The following ATL1 variants were observed in gnomAD, a reference collection of about 807,000 sequenced individuals.
ATL1 encodes atlastin GTPase 1, also known as atlastin-1.
ATL1 carries 31 observed loss-of-function variants against 75.5 expected under a neutral mutation model. That is an observed-to-expected ratio of 0.41 (90% CI 0.31 to 0.55). The LOEUF is 0.55. Ranked by LOEUF, ATL1 falls within the 20% of genes least tolerant of loss-of-function variation. ATL1 has a pLI of 0.27. For synonymous variants in ATL1, 226 were observed against 233.3 expected (o/e 0.97, Z 0.28); for missense variants, 405 against 662.6 (o/e 0.61, Z 4.27).
intron 1 of ATL1, among the ~76,000 whole-genome samples, chr14:50,562,846 T>C (rs2038864405): frequency 6.6e-6 from 1 of 152,246 alleles, no homozygotes; most frequent in African/African-American, 2.4e-5. Context: ...ATAGAGGTTT[T>C]GGCACAGATA....
chr14:50,569,454 A>G (rs562615950), intron 1 of ATL1, among the ~76,000 whole-genome samples: 11 of 152,144 alleles, frequency 7.2e-5, no homozygotes, highest in South Asian at 4.1e-4. Flanking sequence ...CTTAAATTAT[A>G]TAGAAAACAA....
intron 1 of ATL1, among the ~76,000 whole-genome samples, chr14:50,586,552 T>C (rs879736984): frequency 2.0e-4 from 30 of 152,306 alleles, no homozygotes; most frequent in Admixed American, 3.3e-4. Flanking sequence ...GTTTCTACAA[T>C]AGCAATTATT....
intron 11 of ATL1, among the ~76,000 whole-genome samples, chr14:50,627,432 A>G (rs1160586479): frequency 6.6e-6 from 1 of 152,268 alleles, no homozygotes; most frequent in Admixed American, 6.5e-5. Context: ...AGTGAATGGT[A>G]TGGTTAACTG....
At chr14:50,565,379 G>C (rs2038893695) in intron 1 of ATL1, among the ~76,000 whole-genome samples, 1 of 151,796 alleles carries the variant, frequency 6.6e-6, no homozygotes, top group African/African-American at 2.4e-5. Flanking sequence ...CAGCTACTAG[G>C]GAAGCTGAGG....
intron 1 of ATL1, among the ~76,000 whole-genome samples, chr14:50,585,844 C>G (rs1471715897): frequency 6.6e-6 from 1 of 152,166 alleles, no homozygotes; most frequent in Non-Finnish European, 1.5e-5. Flanking sequence ...GATAAAAAGT[C>G]AACTTTTCTT....
chr14:50,626,511 TAAG>T (rs1009890520), intron 11 of ATL1, among the ~76,000 whole-genome samples: 4 of 152,206 alleles, frequency 2.6e-5, no homozygotes, highest in Non-Finnish European at 4.4e-5. Flanking sequence ...TCTTAACGGA[TAAG>T]GAGTTGCTTC....
At chr14:50,619,542 T>A (rs1481937151) in intron 8 of ATL1, among the ~76,000 whole-genome samples, 1 of 152,216 alleles carries the variant, frequency 6.6e-6, no homozygotes, top group Non-Finnish European at 1.5e-5. Context: ...TTTAAGAAAT[T>A]GTCCCTGTGT....
At chr14:50,549,346 A>G (rs1424723584) in intron 1 of ATL1, among the ~76,000 whole-genome samples, 3 of 152,216 alleles carry the variant, frequency 2.0e-5, no homozygotes, top group East Asian at 1.9e-4. Flanking sequence ...TCCATCCTCT[A>G]TGCAGATATT....
intron 8 of ATL1, 134 bp from the exon 9 acceptor site, chr14:50,620,465 C>T: frequency 1.0e-6 from 1 of 966,922 alleles, no homozygotes; most frequent in South Asian, 1.5e-5. Context: ...TCAGGAGTCG[C>T]TTAAATGATG....
At chr14:50,573,220 C>A (rs1225121631) in intron 1 of ATL1, among the ~76,000 whole-genome samples, 2 of 152,094 alleles carry the variant, frequency 1.3e-5, no homozygotes, top group Non-Finnish European at 2.9e-5. Context: ...TTTTTTTACC[C>A]ATGAATATAG....
intron 1 of ATL1, among the ~76,000 whole-genome samples, chr14:50,544,408 G>T (rs1365919911): frequency 1.3e-5 from 2 of 152,188 alleles, no homozygotes; most frequent in Non-Finnish European, 2.9e-5. Flanking sequence ...AATAAATCTT[G>T]ATTGGTCTAG....
chr14:50,622,428 G>C (rs1189963813), intron 10 of ATL1, among the ~76,000 whole-genome samples: 3 of 152,154 alleles, frequency 2.0e-5, no homozygotes. Context: ...AGCACTTTGG[G>C]AGGCCGAGGC....
chr14:50,536,752 G>T (rs987247703), intron 1 of ATL1, among the ~76,000 whole-genome samples: 4 of 152,206 alleles, frequency 2.6e-5, no homozygotes, highest in African/African-American at 4.8e-5. Context: ...GTGGCATTTT[G>T]CCCCTGCCCT....
At chr14:50,572,293 T>G (rs2038961955) in intron 1 of ATL1, among the ~76,000 whole-genome samples, 1 of 152,222 alleles carries the variant, frequency 6.6e-6, no homozygotes. Context: ...AGAATTCATG[T>G]AAGATTAGGA....
intron 1 of ATL1, among the ~76,000 whole-genome samples, chr14:50,552,429 T>C (rs2038714162): frequency 6.6e-6 from 1 of 152,192 alleles, no homozygotes; most frequent in African/African-American, 2.4e-5. Context: ...ATTGTGAACA[T>C]GACCATACTG....
rs147240334 is a variant in ATL1 at position 50,571,823 on chromosome 14, G to A, written c.34+11524G>A. 32 of 169,652 alleles carry A rather than the reference G, an allele frequency of 1.9e-4. No homozygotes were observed. In the East Asian group the frequency reaches 3.9e-3, roughly 21 times the overall value. The allele number at this position is 169,652 out of a possible 1,614,324, so 10.5% of individuals were successfully genotyped here. A position where few individuals can be genotyped will look rare whatever the true frequency, so the allele number is the denominator to read the frequency against. On this transcript the variant is annotated intron_variant, in intron 1 of 13. Transcript: ENST00000358385. ...TTAACAAAAAGTCTAATATGAAAAT[G>A]TACATGACCTAATTTTTACATAATT...
rs182963739 is a variant in ATL1, at chr14:50,588,019, G to A, written c.223G>A (p.Ala75Thr). 2 of 1,614,172 alleles carry A rather than the reference G, an allele frequency of 1.2e-6. No homozygotes were observed. Among genetic ancestry groups the A allele is most frequent in the East Asian group, 2.2e-5 (1 of 44,890 alleles). ...GGTTGTTGCTGTATCTGTTGCTGGA[G>A]CATTTAGAAAAGGAAAATCATTCCT... ...KEVVAVSVAGAFRKGKSFLMD... is the reference protein window; with the variant it reads ...KEVVAVSVAGTFRKGKSFLMD... Residue 75 changes from alanine to threonine, a missense_variant, in exon 2 of 14, where the codon GCA (alanine) becomes ACA (threonine). This residue lies in a region of ATL1 where 126 missense variants were observed against 172.0 expected (regional missense o/e 0.73). Coordinates refer to ENST00000358385, the MANE Select transcript of ATL1 (RefSeq NM_015915.5).
At chr14:50,538,950 G>A (rs1351330019) in intron 1 of ATL1, among the ~76,000 whole-genome samples, 4 of 152,160 alleles carry the variant, frequency 2.6e-5, no homozygotes, top group African/African-American at 9.7e-5. Context: ...CTCCCAAGTA[G>A]CTGGGACTAT....
chr14:50,564,761 C>T (rs2038887022), intron 1 of ATL1, among the ~76,000 whole-genome samples: 1 of 150,334 alleles, frequency 6.7e-6, no homozygotes, highest in African/African-American at 2.5e-5. Flanking sequence ...CTTAGCTTCA[C>T]AGTAAGTGTA....
Sources: allele counts gnomAD v4.1 joint callset (sites outside exome capture counted in the v4.1 genomes callset), GRCh38; gene constraint gnomAD v4.1.1; regional missense constraint gnomAD v4.1.1; transcripts MANE v1.5; gene names NCBI Gene and HGNC (gene_info 2026-07-23, HGNC 2026-07-21).